Variants in SPPL2A observed in about 807,000 individuals in gnomAD.
SPPL2A encodes the protein signal peptide peptidase like 2A, also known as signal peptide peptidase-like 2A.
SPPL2A carries 51 observed loss-of-function variants against 63.8 expected under a neutral mutation model. The ratio of observed to expected loss-of-function variants is 0.80; its 90% CI spans 0.64 to 1.01. The LOEUF (loss-of-function observed/expected upper bound fraction) is 1.01. Among genes scored for constraint, SPPL2A ranks in the 50% least tolerant of loss-of-function variants. SPPL2A has a pLI of 0.00. For missense variants in SPPL2A, 553 were observed against 622.7 expected, an observed-to-expected ratio of 0.89 and a Z score of 1.19; for synonymous variants, 188 against 205.8, an observed-to-expected ratio of 0.91 and a Z score of 0.74.
chr15:50,725,605 G>T, intron 11 of SPPL2A: 1 of 238,508 alleles, frequency 4.2e-6, no homozygotes, highest in Non-Finnish European at 8.2e-6. Context: ...TAATTTTTCT[G>T]TTTTTAGTAG....
chr15:50,749,967 C>A, intron 1 of SPPL2A: 1 of 561,402 alleles, frequency 1.8e-6, no homozygotes, highest in Non-Finnish European at 3.2e-6. Context: ...AGATAGGTCA[C>A]TTTCTTAAGG....
At chr15:50,753,708 A>AT (rs1242308451) in intron 1 of SPPL2A, among the ~76,000 whole-genome samples, 1 of 152,210 alleles carries the variant, frequency 6.6e-6, no homozygotes, top group African/African-American at 2.4e-5. Context: ...AATACAAAAG[A>AT]TTAATGGTTG....
At chr15:50,748,303 T>C (rs982320781) in intron 3 of SPPL2A, 101 bp from the exon 4 acceptor site, 1 of 505,868 alleles carries the variant, frequency 2.0e-6, no homozygotes, top group Non-Finnish European at 3.3e-6. Flanking sequence ...CTTTAAGTTA[T>C]AAGACAAAAT....
At chr15:50,708,776 G>A (rs1025336043) in intron 14 of SPPL2A, among the ~76,000 whole-genome samples, 15 of 151,948 alleles carry the variant, frequency 9.9e-5, no homozygotes, top group African/African-American at 3.6e-4. Context: ...GCTCATGCCT[G>A]TAATCCCAGC....
At chr15:50,754,903 A>T (rs1399995866) in intron 1 of SPPL2A, among the ~76,000 whole-genome samples, 1 of 151,438 alleles carries the variant, frequency 6.6e-6, no homozygotes, top group Non-Finnish European at 1.5e-5. Context: ...AATCACTTGA[A>T]CCCAGGAGGC....
chr15:50,712,344 T>G (rs904993261), intron 14 of SPPL2A, among the ~76,000 whole-genome samples: 4 of 152,176 alleles, frequency 2.6e-5, no homozygotes, highest in African/African-American at 9.7e-5. Context: ...GAATTTAAGT[T>G]GGGAGTTAAA....
chr15:50,726,124 A>G, intron 11 of SPPL2A, 197 bp downstream of exon 11: 2 of 1,517,706 alleles, frequency 1.3e-6, no homozygotes, highest in Non-Finnish European at 1.8e-6. Flanking sequence ...AGTTTCCATC[A>G]TTCTAGGATG....
chr15:50,751,389 T>C (rs761014891), intron 1 of SPPL2A, among the ~76,000 whole-genome samples: 4 of 152,250 alleles, frequency 2.6e-5, no homozygotes, highest in African/African-American at 4.8e-5. Context: ...TAAGGTCATA[T>C]AGTAAAATCA....
At chr15:50,721,867 A>G (rs551364601) in intron 13 of SPPL2A, among the ~76,000 whole-genome samples, 65 of 152,150 alleles carry the variant, frequency 4.3e-4, no homozygotes, top group African/African-American at 1.4e-3. Flanking sequence ...CGGCCTCCCA[A>G]AGTGCTGGGC....
In SPPL2A at chr15:50,748,755, A is replaced by G. The variant is rs2062880165; in HGVS notation, c.293T>C (p.Leu98Pro). Reference protein sequence around the residue: ...VVVPWGSCHFLEKARIAQKGG... With the variant: ...VVVPWGSCHFPEKARIAQKGG... ...TTTCTGTGCAATTCTGGCTTTTTCA[A>G]GAAAATGGCAGCTTCCCCATGGAAC... The change falls in exon 3 of 15, where the codon CTT (leucine) becomes CCT (proline). Residue 98 changes from leucine to proline, a missense_variant. Coordinates refer to ENST00000261854, the MANE Select transcript of SPPL2A (RefSeq NM_032802.4). The G allele has an allele frequency of 6.2e-7, 1 of 1,612,112 alleles. No homozygotes were observed. Among genetic ancestry groups the G allele is most frequent in the Non-Finnish European group, 8.5e-7 (1 of 1,179,240 alleles).
chr15:50,740,483 T>C (rs1000880986), intron 5 of SPPL2A, among the ~76,000 whole-genome samples: 2 of 147,040 alleles, frequency 1.4e-5, no homozygotes, highest in South Asian at 2.2e-4. Context: ...TATAAACAAA[T>C]TAATACTTGT....
chr15:50,760,670 G>A (rs2063002324), intron 1 of SPPL2A, among the ~76,000 whole-genome samples: 1 of 152,134 alleles, frequency 6.6e-6, no homozygotes, highest in Non-Finnish European at 1.5e-5. Context: ...CAATACACTG[G>A]GGGTTATGGC....
At chr15:50,753,854 T>C (rs1407141366) in intron 1 of SPPL2A, among the ~76,000 whole-genome samples, 1 of 152,128 alleles carries the variant, frequency 6.6e-6, no homozygotes, top group Non-Finnish European at 1.5e-5. Context: ...TGGAGTGCAA[T>C]GGCGTGATCT....
rs2062496058 is a variant in SPPL2A, at chr15:50,704,491, T to C, written c.*3309A>G. The C allele has an allele frequency of 6.6e-6, 1 of 152,098 alleles. No homozygotes were observed. Among genetic ancestry groups the C allele is most frequent in the Admixed American group, 6.6e-5 (1 of 15,258 alleles). 9.4% of individuals were successfully genotyped at this position (152,098 alleles called of 1,614,324 possible). ...CATTACAATTTGAGATAGTGATTTCTGTTGATAAGCCACAAAAATGTTCAA... is the reference window on the plus strand; with the variant it reads ...CATTACAATTTGAGATAGTGATTTCCGTTGATAAGCCACAAAAATGTTCAA... On this transcript the variant is annotated 3_prime_UTR_variant, in exon 15 of 15. Transcript: ENST00000261854.
At chr15:50,709,150 T>A (rs1567146785) in intron 14 of SPPL2A, among the ~76,000 whole-genome samples, 1 of 152,216 alleles carries the variant, frequency 6.6e-6, no homozygotes, top group Non-Finnish European at 1.5e-5. Context: ...AGAAACTGTT[T>A]AAATGCTTTC....
At chr15:50,731,927 C>CAAAAAA (rs60624824) in intron 9 of SPPL2A, among the ~76,000 whole-genome samples, 2 of 64,226 alleles carry the variant, frequency 3.1e-5, no homozygotes, top group East Asian at 4.4e-4. Context: ...GACTCCATCT[C>CAAAAAA]AAAAAAAAAA....
intron 6 of SPPL2A, 94 bp downstream of exon 6, chr15:50,739,586 C>G: frequency 1.2e-6 from 1 of 868,494 alleles, no homozygotes. Context: ...ATACGTTTTC[C>G]AGGTAGAATG....
chr15:50,709,783 C>A (rs1235099596), intron 14 of SPPL2A, among the ~76,000 whole-genome samples: 2 of 151,498 alleles, frequency 1.3e-5, no homozygotes, highest in African/African-American at 2.4e-5. Context: ...GAGAGAGAGA[C>A]CCTGTCTCAA....
chr15:50,726,361 A>G lies in SPPL2A; in HGVS notation c.1106T>C (p.Met369Thr). The change falls in exon 11 of 15, where the codon ATG becomes ACG. Residue 369 changes from methionine (M) to threonine (T), a missense_variant. Transcript: ENST00000261854. ...PFITKNGESI[M>T]VELAAGPFGN... The stretch of plus-strand genomic sequence containing the variant: ...AAAAGGTCCAGCTGCGAGTTCAACC[A>G]TGATACTCTCACCATTCTAAAATTG... 1.2e-6 allele frequency: 2 copies of G among 1,614,018 alleles called. No homozygotes were observed. Among genetic ancestry groups the G allele is most frequent in the Non-Finnish European group, 1.7e-6 (2 of 1,179,860 alleles).
Sources: gnomAD v4.1 joint callset for allele counts (sites outside exome capture counted in the v4.1 genomes callset) on GRCh38, gnomAD v4.1.1 for gene constraint, MANE v1.5 for transcripts, NCBI Gene and HGNC (gene_info 2026-07-23, HGNC 2026-07-21) for gene names.